Variants in STT3A observed in about 807,000 individuals in gnomAD.
STT3A encodes the protein dolichyl-diphosphooligosaccharide--protein glycosyltransferase subunit STT3A.
In STT3A, 34 loss-of-function variants were observed where a neutral mutation model predicts 89.2. The observed-to-expected ratio is 0.38, with a 90% CI of 0.29 to 0.51. The LOEUF (loss-of-function observed/expected upper bound fraction) is 0.51, where lower values mean the gene tolerates loss of function less well. Ranked by LOEUF, STT3A falls within the 20% of genes least tolerant of loss-of-function variation. The pLI is 0.89. For synonymous variants in STT3A, 282 were observed against 310.3 expected, an observed-to-expected ratio of 0.91 and a Z score of 0.96; for missense variants, 555 against 889.5, an observed-to-expected ratio of 0.62 and a Z score of 4.78.
At chr11:125,594,790 T>C (rs937320196) in intron 1 of STT3A, 1 of 152,214 alleles carries the variant, frequency 6.6e-6, no homozygotes, top group African/African-American at 2.4e-5. Context: ...ATTCGTTTTC[T>C]TTCCCTCTAG....
chr11:125,601,058 C>T (rs1329053477), intron 3 of STT3A, among the ~76,000 whole-genome samples: 1 of 152,150 alleles, frequency 6.6e-6, no homozygotes, highest in Non-Finnish European at 1.5e-5. Flanking sequence ...AAGTGCCGGG[C>T]TTACAGGCAT....
At chr11:125,599,585 GT>G (rs1194335703) in intron 3 of STT3A, among the ~76,000 whole-genome samples, 1 of 139,276 alleles carries the variant, frequency 7.2e-6, no homozygotes, top group Non-Finnish European at 1.6e-5. Flanking sequence ...TAATTTTTGT[GT>G]TTTTTGTAGA....
chr11:125,598,041 A>G (rs1236810883), intron 3 of STT3A, among the ~76,000 whole-genome samples: 1 of 152,100 alleles, frequency 6.6e-6, no homozygotes, highest in Non-Finnish European at 1.5e-5. Flanking sequence ...GTAAAACCCC[A>G]TCTCTACTAA....
rs1448140724 is a variant in STT3A, at chr11:125,602,217, A to G, written c.150-86A>G. ...ATATCTGATGTTAAACTGATTTTTC[A>G]TTGAGTAATGCTGAATTTCTCAATG... On this transcript the variant is annotated intron_variant, in intron 3 of 17. Coordinates refer to ENST00000392708, the MANE Select transcript of STT3A (RefSeq NM_152713.5). 5 of 1,474,086 alleles carry G rather than the reference A, an allele frequency of 3.4e-6. No individual in the cohort carries two copies. The African/African-American group carries it at 7.1e-5, about 21-fold the overall frequency. 91.3% of individuals were successfully genotyped at this position (1,474,086 alleles called of 1,614,324 possible).
Position 125,613,932 on chromosome 11 carries a change from G to T in STT3A, c.1555-155G>T. 1 of 659,442 alleles carries T rather than the reference G, an allele frequency of 1.5e-6. No individual in the cohort carries two copies. Among genetic ancestry groups the T allele is most frequent in the East Asian group, 2.6e-5 (1 of 38,982 alleles). The allele number at this position is 659,442 out of a possible 1,614,324, so 40.8% of individuals were successfully genotyped here. A position where few individuals can be genotyped will look rare whatever the true frequency, so the allele number is the denominator to read the frequency against. On this transcript the variant is annotated intron_variant, in intron 13 of 17. Coordinates refer to ENST00000392708, the MANE Select transcript of STT3A (RefSeq NM_152713.5). The surrounding 1 kb of genome is among the most constrained non-coding windows in gnomAD (Gnocchi z 4.2). Reference sequence around the variant, plus strand: ...TATATAAATGGAAGACCAGGTGCCAGGATTTATTTTCTGGTTTGACATGCA... The same window carrying T: ...TATATAAATGGAAGACCAGGTGCCATGATTTATTTTCTGGTTTGACATGCA...
rs1170989662 is a variant in STT3A, at chr11:125,612,726, CA to C, written c.1345del (p.Thr449ProfsTer12). On this transcript the variant is annotated frameshift_variant, in exon 12 of 18. Coordinates refer to ENST00000392708, the MANE Select transcript of STT3A (RefSeq NM_152713.5). LOFTEE classifies it high-confidence loss of function. ...DKKSKKQQDSTYPIKNEVASG... is the reference protein window; with the variant it reads ...DKKSKKQQDSXYPIKNEVASG... The stretch of plus-strand genomic sequence containing the variant: ...AGAAGAGCAAGAAGCAACAGGATTC[CA>C]CCTACCCTATTAAGAATGAAGTGAG... 1 of 1,613,992 alleles carries C rather than the reference CA, an allele frequency of 6.2e-7. No individual in the cohort carries two copies. Among genetic ancestry groups the C allele is most frequent in the Non-Finnish European group, 8.5e-7 (1 of 1,179,956 alleles).
chr11:125,620,989 A>C lies in STT3A; in HGVS notation c.*179A>C. The C allele has an allele frequency of 2.1e-6, 1 of 479,226 alleles. No individual in the cohort carries two copies. Among genetic ancestry groups the C allele is most frequent in the South Asian group, 4.0e-5 (1 of 25,308 alleles). The allele number at this position is 479,226 out of a possible 1,614,324, so 29.7% of individuals were successfully genotyped here. On this transcript the variant is annotated 3_prime_UTR_variant, in exon 18 of 18. Transcript: ENST00000392708. The stretch of plus-strand genomic sequence containing the variant: ...CTGGGCCAAATGAAATGATTTTTAT[A>C]ATTCTAAACAGGTTACCAAATGAAA...
intron 16 of STT3A, among the ~76,000 whole-genome samples, chr11:125,619,216 A>G (rs1591382516): frequency 7.2e-6 from 1 of 138,948 alleles, no homozygotes. Context: ...TCCCCAGCTA[A>G]TTTTTTTTTT....
At chr11:125,602,103 C>T (rs952391079) in intron 3 of STT3A, among the ~76,000 whole-genome samples, 200 bp from the exon 4 acceptor site, 4 of 152,094 alleles carry the variant, frequency 2.6e-5, no homozygotes, top group Admixed American at 2.6e-4. Context: ...GGCTCATTTC[C>T]TTATGAGAAA....
chr11:125,614,337 C>G lies in STT3A; in HGVS notation c.1685C>G (p.Thr562Arg), dbSNP rs1163859872. 6.2e-7 allele frequency: 1 copy of G among 1,613,970 alleles called. No homozygotes were observed. The highest frequency in any genetic ancestry group is 8.5e-7 in the Non-Finnish European group (1 of 1,180,018). ...ISRVGQAMASTEEKAYEIMRE... is the reference protein window; with the variant it reads ...ISRVGQAMASREEKAYEIMRE... ...TTGTTTTTCCAGGCAATGGCGTCCACAGAGGAAAAAGCCTATGAGATCATG... is the reference window on the plus strand; with the variant it reads ...TTGTTTTTCCAGGCAATGGCGTCCAGAGAGGAAAAAGCCTATGAGATCATG... The change falls in exon 15 of 18, where the codon ACA becomes AGA. Residue 562 changes from threonine to arginine, a missense_variant. Around this residue, in one of 5 missense-constraint regions of STT3A, gnomAD observed 273 missense variants for 449.8 expected, o/e 0.61. Coordinates refer to ENST00000392708, the MANE Select transcript of STT3A (RefSeq NM_152713.5). The surrounding 1 kb of genome is among the most constrained non-coding windows in gnomAD (Gnocchi z 4.9).
intron 12 of STT3A, 87 bp from the exon 13 acceptor site, chr11:125,612,902 A>T (rs986904928): frequency 2.6e-6 from 4 of 1,529,240 alleles, no homozygotes; most frequent in Non-Finnish European, 2.7e-6. Context: ...GATCAATCTC[A>T]TCTATATGAA....
intron 5 of STT3A, 50 bp downstream of exon 5, chr11:125,602,998 T>C: frequency 1.2e-6 from 2 of 1,606,326 alleles, no homozygotes; most frequent in South Asian, 2.2e-5. Context: ...TTATTGAGCC[T>C]CTCTAATCGA....
chr11:125,602,420 C>T lies in STT3A; in HGVS notation c.267C>T (p.Tyr89=), dbSNP rs753218715. The T allele has an allele frequency of 1.2e-6, 2 of 1,606,062 alleles. No individual in the cohort carries two copies. Among genetic ancestry groups the T allele is most frequent in the East Asian group, 2.2e-5 (1 of 44,698 alleles). The part of the protein sequence containing the change: ...PLGRIIGGTI[Y]PGLMITSAAI... ...GACGAATCATTGGAGGAACAATTTA[C>T]CCAGGTGAGGAGACCAGATGTGTTT... is the stretch of plus-strand genomic sequence containing the variant. The change falls in exon 4 of 18, where the codon TAC becomes TAT. Residue 89 remains tyrosine (Y), a synonymous_variant. Transcript: ENST00000392708.
chr11:125,609,859 T>TTTTGC (rs1939950234), intron 10 of STT3A: 1 of 374,356 alleles, frequency 2.7e-6, no homozygotes, highest in African/African-American at 2.1e-5. Context: ...TTTACTCCGG[T>TTTTGC]TTTGTTTTGT....
At chr11:125,619,878 C>T (rs1940296765) in intron 16 of STT3A, 133 bp from the exon 17 acceptor site, 5 of 702,022 alleles carry the variant, frequency 7.1e-6, no homozygotes, top group South Asian at 2.0e-5. Flanking sequence ...CCCTTTTTTG[C>T]AGGCTCTACT....
intron 4 of STT3A, 144 bp downstream of exon 4, chr11:125,602,568 T>C (rs980078301): frequency 8.7e-7 from 1 of 1,152,278 alleles, no homozygotes; most frequent in African/African-American, 1.6e-5. Flanking sequence ...AAGTGCATCT[T>C]ACATAAACAG....
Position 125,604,166 on chromosome 11 carries a change from G to GCCC in STT3A, c.428_429insCCC (p.Ala143_Gly144insPro), listed in dbSNP as rs1939769876. 1 of 1,613,928 alleles carries GCCC rather than the reference G, an allele frequency of 6.2e-7. No homozygotes were observed. Among genetic ancestry groups the GCCC allele is most frequent in the Non-Finnish European group, 8.5e-7 (1 of 1,179,966 alleles). On this transcript the variant is annotated inframe_insertion, in exon 6 of 18. Transcript: ENST00000392708. Reference sequence around the variant, plus strand: ...CCTTTTTTTCTTACAGGATGCAGGGGCTGGGCTTCTTGCTGCTGCCATGAT... The same window carrying GCCC: ...CCTTTTTTTCTTACAGGATGCAGGGGCCCCTGGGCTTCTTGCTGCTGCCATGAT...
Position 125,613,243 on chromosome 11 carries a change from T to C in STT3A, c.1554+66T>C. 2 of 1,554,452 alleles carry C rather than the reference T, an allele frequency of 1.3e-6. No individual in the cohort carries two copies. The highest frequency in any genetic ancestry group is 1.8e-6 in the Non-Finnish European group (2 of 1,136,854). Reference sequence around the variant, plus strand: ...AAGGGGAAGACATTTGATGTTACAGTGAATCATACAGCTTTTAGATGGGTG... The same window carrying C: ...AAGGGGAAGACATTTGATGTTACAGCGAATCATACAGCTTTTAGATGGGTG... On this transcript the variant is annotated intron_variant, in intron 13 of 17. Coordinates refer to ENST00000392708, the MANE Select transcript of STT3A (RefSeq NM_152713.5). The surrounding 1 kb of genome is among the most constrained non-coding windows in gnomAD (Gnocchi z 4.2).
chr11:125,614,356 G>A lies in STT3A; in HGVS notation c.1704G>A (p.Glu568=). The A allele has an allele frequency of 1.2e-6, 2 of 1,614,156 alleles. No homozygotes were observed. The highest frequency in any genetic ancestry group is 2.7e-5 in the African/African-American group (2 of 75,042). The change falls in exon 15 of 18, where the codon GAG becomes GAA. Residue 568 remains glutamate (E), a synonymous_variant. Transcript: ENST00000392708. The surrounding 1 kb of genome is among the most constrained non-coding windows in gnomAD (Gnocchi z 4.9). ...CGTCCACAGAGGAAAAAGCCTATGA[G>A]ATCATGAGGGAGCTCGATGTCAGCT... ...AMASTEEKAY[E]IMRELDVSYV... is the part of the protein sequence containing the mutation.
Sources: allele counts gnomAD v4.1 joint callset (sites outside exome capture counted in the v4.1 genomes callset), GRCh38; gene constraint gnomAD v4.1.1; regional missense constraint gnomAD v4.1.1; non-coding constraint Gnocchi (gnomAD v3.1); transcripts MANE v1.5; gene names NCBI Gene and HGNC (gene_info 2026-07-23, HGNC 2026-07-21).